Variants in ABCA9 observed in about 807,000 individuals in gnomAD.
ABCA9 encodes ATP binding cassette subfamily A member 9.
ABCA9 carries 183 observed loss-of-function variants against 205.3 expected under a neutral mutation model. That is an observed-to-expected ratio of 0.89 (90% CI 0.79 to 1.01). ABCA9 has a LOEUF of 1.01. ABCA9 is among the 50% of genes least tolerant of loss of function. The pLI is 0.00. For missense variants in ABCA9, 1,805 were observed against 1,912.4 expected (o/e 0.94, Z 1.05); for synonymous variants, 651 against 683.3 (o/e 0.95, Z 0.74).
At position 69,017,640 on chromosome 17, in the gene ABCA9, CTG is replaced by C; in HGVS notation, c.2901+14_2901+15del. On this transcript the variant is annotated intron_variant, in intron 21 of 38. Coordinates refer to ENST00000340001, the MANE Select transcript of ABCA9 (RefSeq NM_080283.4). ...GTCCACCTTTGGTGAAATGCAGCAACTGGAGTCCAGCATACCTTTTCATCACC... is the reference window on the plus strand; with the variant it reads ...GTCCACCTTTGGTGAAATGCAGCAACGAGTCCAGCATACCTTTTCATCACC... 1.2e-6 allele frequency: 2 copies of C among 1,611,850 alleles called. No individual in the cohort carries two copies. Among genetic ancestry groups the C allele is most frequent in the Admixed American group, 1.7e-5 (1 of 59,862 alleles).
intron 20 of ABCA9, 99 bp from the exon 21 acceptor site, chr17:69,017,888 A>G: frequency 7.3e-7 from 1 of 1,361,042 alleles, no homozygotes; most frequent in Non-Finnish European, 1.0e-6. Context: ...ATCACACAAA[A>G]GGACTGTCTA....
In ABCA9 at chr17:69,009,495, G is replaced by A. The variant is rs143357343; in HGVS notation, c.3148-1260C>T. Among the ~76,000 whole-genome samples the A allele has an allele frequency of 1.8e-3, 273 of 152,288 alleles. 2 individuals are homozygous for A. Among genetic ancestry groups the A allele is most frequent in the Admixed American group, 3.4e-3 (52 of 15,296 alleles). ...CAAGGTGTCAGTAGCATCAGATTAA[G>A]GGAGTAAGATACACCTGGGCCCAGA... On this transcript the variant is annotated intron_variant, in intron 23 of 38. Coordinates refer to ENST00000340001, the MANE Select transcript of ABCA9 (RefSeq NM_080283.4).
At chr17:69,036,611 A>C (rs999804332) in intron 6 of ABCA9, among the ~76,000 whole-genome samples, 2 of 152,062 alleles carry the variant, frequency 1.3e-5, no homozygotes, top group African/African-American at 4.8e-5. Context: ...ACTATGAAGA[A>C]ATTGCATCAA....
chr17:68,990,071 T>G, intron 29 of ABCA9, 141 bp from the exon 30 acceptor site: 1 of 679,898 alleles, frequency 1.5e-6, no homozygotes, highest in Non-Finnish European at 2.6e-6. Context: ...CATTTTCAAG[T>G]GAACTCTTAC....
the ABCA9 span, among the ~76,000 whole-genome samples, chr17:69,070,892 G>C: frequency 7.2e-5 from 11 of 152,294 alleles, no homozygotes; most frequent in East Asian, 3.9e-4. Context: ...TGGGGTGCTC[G>C]AGCTTGGTGA....
At chr17:69,021,314 G>C (rs758313734) in intron 18 of ABCA9, among the ~76,000 whole-genome samples, 70 of 152,028 alleles carry the variant, frequency 4.6e-4, no homozygotes, top group Non-Finnish European at 8.2e-4. Context: ...CAATAAGAGA[G>C]AAAAGACAGA....
intron 1 of ABCA9, 113 bp downstream of exon 1, chr17:69,060,753 G>A (rs915893170): frequency 7.1e-6 from 5 of 699,816 alleles, no homozygotes; most frequent in East Asian, 1.3e-4. Context: ...AAAATGACTC[G>A]TTAATAACTT....
intron 6 of ABCA9, among the ~76,000 whole-genome samples, chr17:69,041,911 CTTTA>C (rs2071558278): frequency 6.6e-6 from 1 of 152,086 alleles, no homozygotes; most frequent in African/African-American, 2.4e-5. Context: ...ATCACATAAA[CTTTA>C]TTTTTTTCTA....
At chr17:69,019,708 A>G (rs1325097262) in intron 19 of ABCA9, among the ~76,000 whole-genome samples, 2 of 152,160 alleles carry the variant, frequency 1.3e-5, no homozygotes, top group African/African-American at 2.4e-5. Context: ...TTCTCAGTGA[A>G]TGAGTGTTCC....
intron 22 of ABCA9, among the ~76,000 whole-genome samples, chr17:69,013,491 T>G (rs2144228827): frequency 6.6e-6 from 1 of 152,198 alleles, no homozygotes; most frequent in South Asian, 2.1e-4. Flanking sequence ...ATCTCATATC[T>G]TTGCCTGTGG....
chr17:69,060,118 T>C (rs910328464), intron 1 of ABCA9, among the ~76,000 whole-genome samples: 2 of 152,226 alleles, frequency 1.3e-5, no homozygotes, highest in African/African-American at 4.8e-5. Flanking sequence ...TGTGGTTATT[T>C]ATCTCTGAGC....
At chr17:69,026,293 C>T (rs1360028343) in intron 16 of ABCA9, 84 bp downstream of exon 16, 1 of 1,089,566 alleles carries the variant, frequency 9.2e-7, no homozygotes. Flanking sequence ...GTTATAGGGC[C>T]TACTTTTACA....
chr17:69,003,185 G>A (rs982652097), intron 25 of ABCA9, among the ~76,000 whole-genome samples: 82 of 151,652 alleles, frequency 5.4e-4, no homozygotes, highest in African/African-American at 1.6e-3. Flanking sequence ...TATTTTGCTC[G>A]TTAGTTGATG....
chr17:69,011,456 C>T (rs2070368848), intron 23 of ABCA9, among the ~76,000 whole-genome samples: 1 of 152,110 alleles, frequency 6.6e-6, no homozygotes, highest in Non-Finnish European at 1.5e-5. Context: ...AAAACATGTC[C>T]TGAGCATCAG....
chr17:69,013,652 A>C (rs1436358945), intron 22 of ABCA9, among the ~76,000 whole-genome samples: 1 of 152,098 alleles, frequency 6.6e-6, no homozygotes, highest in Non-Finnish European at 1.5e-5. Context: ...TCAGAGTTTG[A>C]TGTGACTCAG....
intron 31 of ABCA9, among the ~76,000 whole-genome samples, chr17:68,987,822 G>C (rs546768817): frequency 6.7e-6 from 1 of 149,836 alleles, no homozygotes; most frequent in Non-Finnish European, 1.5e-5. Context: ...GTGCAATAGC[G>C]CTATCTCAGC....
Position 69,035,794 on chromosome 17 carries a change from A to C in ABCA9, c.808T>G (p.Trp270Gly). The C allele has an allele frequency of 6.2e-7, 1 of 1,611,606 alleles. No homozygotes were observed. The highest frequency in any genetic ancestry group is 2.2e-5 in the East Asian group (1 of 44,806). The stretch of plus-strand genomic sequence containing the variant: ...ATGAAGCCAGCATACATCAAACCCC[A>C]GGAAAGCCTAGCAGAGAAACAAAGC... ...GLRESAFWLS[W>G]GLMYAGFILI... The change falls in exon 7 of 39, where the codon TGG (tryptophan) becomes GGG (glycine). Residue 270 changes from tryptophan to glycine, a missense_variant. Transcript: ENST00000340001.
intron 37 of ABCA9, among the ~76,000 whole-genome samples, chr17:68,981,177 G>C (rs952382432): frequency 3.9e-5 from 6 of 152,090 alleles, no homozygotes; most frequent in Non-Finnish European, 8.8e-5. Flanking sequence ...AGGGTACGAT[G>C]TTTCAGTCAG....
chr17:68,983,312 T>A (rs752003075), intron 36 of ABCA9, among the ~76,000 whole-genome samples: 5 of 152,166 alleles, frequency 3.3e-5, no homozygotes, highest in Non-Finnish European at 7.4e-5. Context: ...TCACTGATAA[T>A]AATATATAGA....
Sources: gnomAD v4.1 joint callset for allele counts (sites outside exome capture counted in the v4.1 genomes callset) on GRCh38, gnomAD v4.1.1 for gene constraint, MANE v1.5 for transcripts, NCBI Gene and HGNC (gene_info 2026-07-23, HGNC 2026-07-21) for gene names.